MILR1: variants seen among roughly 807,000 people sequenced by gnomAD.
MILR1 encodes the protein allergin-1.
MILR1 carries 31 observed loss-of-function variants against 18.5 expected under a neutral mutation model. The ratio of observed to expected loss-of-function variants is 1.68; its 90% confidence interval spans 1.26 to 2.26. The LOEUF is 2.26. Ranked by LOEUF, MILR1 falls within the 30% of genes most tolerant of loss-of-function variation. The pLI is 0.00. For missense variants in MILR1, 257 were observed against 157.4 expected (o/e 1.63, Z -3.38); for synonymous variants, 85 against 56.2 (o/e 1.51, Z -2.30).
chr17:64,468,083 T>TG (rs1232645584), intron 9 of MILR1: 1 of 358,868 alleles, frequency 2.8e-6, no homozygotes, highest in Admixed American at 3.8e-5. Flanking sequence ...GGAGGGAGAA[T>TG]GTTTTAGTCC....
At chr17:64,463,817 ATTTTTTTTTTT>A (rs1200586705) in intron 5 of MILR1, among the ~76,000 whole-genome samples, 16 of 103,934 alleles carry the variant, frequency 1.5e-4, no homozygotes, top group Admixed American at 4.9e-4. Flanking sequence ...CTCCTGGCTA[ATTTTTTTTTTT>A]TTTTTTTTTT....
At chr17:64,481,246 C>T in the MILR1 span, 1 of 984,146 alleles carries the variant, frequency 1.0e-6, no homozygotes, top group Non-Finnish European at 1.2e-6. Flanking sequence ...GCTGCCATAC[C>T]CTGGGAGAAA....
downstream of MILR1, among the ~76,000 whole-genome samples, chr17:64,471,376 G>T (rs1466769586): frequency 2.6e-5 from 4 of 152,078 alleles, no homozygotes; most frequent in South Asian, 4.1e-4. Flanking sequence ...ACGCTCACTG[G>T]TTGAGGATCA....
At chr17:64,459,388 A>G (rs952494928) in intron 4 of MILR1, among the ~76,000 whole-genome samples, 1 of 152,150 alleles carries the variant, frequency 6.6e-6, no homozygotes, top group Admixed American at 6.6e-5. Context: ...AGCTGTGATC[A>G]TCGTGCCCTG....
chr17:64,463,839 T>C (rs2037485133), intron 5 of MILR1, among the ~76,000 whole-genome samples: 4 of 147,754 alleles, frequency 2.7e-5, no homozygotes. Flanking sequence ...TTTTTTTTTT[T>C]TTGAGGCAGA....
In MILR1 at chr17:64,468,630, C is replaced by G; in HGVS notation, c.*349C>G. ...AATAAAGGGTCTCCAAGAATAAATTCATCCGAACATGCATCCTTCTCTGAG... is the reference window on the plus strand; with the variant it reads ...AATAAAGGGTCTCCAAGAATAAATTGATCCGAACATGCATCCTTCTCTGAG... On this transcript the variant is annotated 3_prime_UTR_variant, in exon 10 of 10. Coordinates refer to ENST00000619286, the MANE Select transcript of MILR1 (RefSeq NM_001085423.2). 8.8e-7 allele frequency: 1 copy of G among 1,132,286 alleles called. No homozygotes were observed. The highest frequency in any genetic ancestry group is 1.1e-6 in the Non-Finnish European group (1 of 916,546). 70.1% of individuals were successfully genotyped at this position (1,132,286 alleles called of 1,614,324 possible).
chr17:64,464,709 A>C (rs2037510125), intron 5 of MILR1, among the ~76,000 whole-genome samples: 1 of 152,148 alleles, frequency 6.6e-6, no homozygotes, highest in Non-Finnish European at 1.5e-5. Flanking sequence ...GATCACCTGA[A>C]GTCTGGAGTT....
At chr17:64,458,257 G>A (rs1224804240) in intron 4 of MILR1, among the ~76,000 whole-genome samples, 3 of 150,294 alleles carry the variant, frequency 2.0e-5, no homozygotes, top group African/African-American at 4.9e-5. Context: ...CTGTTGCCCA[G>A]GCTGGAGTGC....
intron 5 of MILR1, 63 bp downstream of exon 5, chr17:64,460,995 C>G (rs1162987373): frequency 1.5e-5 from 7 of 465,150 alleles, no homozygotes; most frequent in African/African-American, 1.4e-4. Flanking sequence ...GACAGCAGGA[C>G]AGAGGGTGAG....
At chr17:64,450,441 C>T (rs1056060332) in intron 2 of MILR1, among the ~76,000 whole-genome samples, 127 of 152,252 alleles carry the variant, frequency 8.3e-4, no homozygotes, top group Non-Finnish European at 1.3e-3. Context: ...TATCCAGAAG[C>T]AGCCGTTATC....
downstream of MILR1, among the ~76,000 whole-genome samples, chr17:64,473,228 G>A (rs2037716720): frequency 2.0e-5 from 3 of 151,984 alleles, no homozygotes; most frequent in South Asian, 4.2e-4. Flanking sequence ...GCGGGCACCT[G>A]TAGTCCCAGC....
chr17:64,497,162 C>A, the MILR1 span: 2 of 657,868 alleles, frequency 3.0e-6, no homozygotes, highest in Non-Finnish European at 5.5e-6. Context: ...CCATGGCGGA[C>A]GCCGGCTCGG....
At chr17:64,463,779 T>A (rs2037483355) in intron 5 of MILR1, among the ~76,000 whole-genome samples, 2 of 151,092 alleles carry the variant, frequency 1.3e-5, no homozygotes. Flanking sequence ...GCCTCCCTAG[T>A]AGCTGGGAAT....
At chr17:64,452,092 T>G (rs1402595651) in intron 2 of MILR1, among the ~76,000 whole-genome samples, 1 of 151,154 alleles carries the variant, frequency 6.6e-6, no homozygotes, top group African/African-American at 2.4e-5. Flanking sequence ...GTTTTTTTTT[T>G]TTTTTGTTCT....
the MILR1 span, among the ~76,000 whole-genome samples, chr17:64,486,312 T>G: frequency 1.3e-5 from 2 of 151,936 alleles, no homozygotes; most frequent in Non-Finnish European, 2.9e-5. Context: ...CCCTACAGAC[T>G]ATTTCTTTAA....
chr17:64,472,548 C>A (rs868984422), downstream of MILR1, among the ~76,000 whole-genome samples: 1 of 140,074 alleles, frequency 7.1e-6, no homozygotes, highest in Non-Finnish European at 1.5e-5. Flanking sequence ...ACATTTCAGT[C>A]ATTCATGGAC....
chr17:64,464,982 G>T (rs1053019775), intron 5 of MILR1, among the ~76,000 whole-genome samples: 4 of 152,118 alleles, frequency 2.6e-5, no homozygotes, highest in Non-Finnish European at 5.9e-5. Flanking sequence ...CAGCTACTCG[G>T]GAGGCTGAGG....
chr17:64,457,035 A>G (rs1456322128), intron 3 of MILR1, among the ~76,000 whole-genome samples: 2 of 152,084 alleles, frequency 1.3e-5, no homozygotes, highest in Non-Finnish European at 2.9e-5. Context: ...ATAAAAAAGC[A>G]CTTCTCAGCT....
the MILR1 span, chr17:64,480,355 T>C: frequency 2.5e-6 from 4 of 1,595,888 alleles, no homozygotes; most frequent in African/African-American, 2.7e-5. Flanking sequence ...AGAAATCCCA[T>C]TTTCTAGTAA....
Sources: gnomAD v4.1 joint callset for allele counts (sites outside exome capture counted in the v4.1 genomes callset) on GRCh38, gnomAD v4.1.1 for gene constraint, MANE v1.5 for transcripts, NCBI Gene and HGNC (gene_info 2026-07-23, HGNC 2026-07-21) for gene names.